OSBPL3: variants seen among roughly 807,000 people sequenced by gnomAD.
The protein encoded by OSBPL3 is oxysterol binding protein like 3.
In OSBPL3, 65 loss-of-function variants were observed where a neutral mutation model predicts 120.1. That is an observed-to-expected ratio of 0.54 (90% confidence interval 0.44 to 0.67). The LOEUF is 0.67. Among genes scored for constraint, OSBPL3 ranks in the 30% least tolerant of loss-of-function variants. The pLI is 0.00. For synonymous variants in OSBPL3, 416 were observed against 402.6 expected (o/e 1.03, Z -0.40); for missense variants, 1,004 against 1,082.1 (o/e 0.93, Z 1.01).
chr7:24,941,773 A>G (rs536430926), intron 1 of OSBPL3, among the ~76,000 whole-genome samples: 1 of 152,352 alleles, frequency 6.6e-6, no homozygotes, highest in East Asian at 1.9e-4. Context: ...ACATCATTGC[A>G]TGGAATTCTA....
chr7:24,933,472 C>T lies in OSBPL3; in HGVS notation c.-149-40851G>A, dbSNP rs1157164017. Among the ~76,000 whole-genome samples, 1 of 152,080 alleles carries T rather than the reference C, an allele frequency of 6.6e-6. No homozygotes were observed. Among genetic ancestry groups the T allele is most frequent in the African/African-American group, 2.4e-5 (1 of 41,410 alleles). On this transcript the variant is annotated intron_variant, in intron 1 of 22. Transcript: ENST00000313367. The surrounding 1 kb of genome is among the most constrained non-coding windows in gnomAD (Gnocchi z 5.1). ...GAATATTTAAAAAGATGCCCAACAT[C>T]AGGAGAACAAAAAAAATCCAGAAAA...
rs1385948189 is a variant in OSBPL3, at chr7:24,830,552, C to CG, written c.1884+215_1884+216insC. Among the ~76,000 whole-genome samples, 1 of 150,064 alleles carries CG rather than the reference C, an allele frequency of 6.7e-6. No individual in the cohort carries two copies. Among genetic ancestry groups the CG allele is most frequent in the African/African-American group, 2.5e-5 (1 of 39,500 alleles). On this transcript the variant is annotated intron_variant, in intron 16 of 22. Coordinates refer to ENST00000313367, the MANE Select transcript of OSBPL3 (RefSeq NM_015550.4). The surrounding 1 kb of genome is among the most constrained non-coding windows in gnomAD (Gnocchi z 4.4). ...GACACCGGCAATGCATGTAGCCAAG[C>CG]AAGTGTGCAGAATTACGGGTGGTAA...
chr7:24,844,681 C>T (rs1304223679), intron 12 of OSBPL3, among the ~76,000 whole-genome samples: 1 of 151,762 alleles, frequency 6.6e-6, no homozygotes, highest in Admixed American at 6.6e-5. Flanking sequence ...CAAAATTAAA[C>T]TGTATTCTGA....
chr7:24,851,399 A>G lies in OSBPL3; in HGVS notation c.1158+1105T>C, dbSNP rs1562825403. Reference sequence around the variant, plus strand: ...TGGTCCATCAGTGAATACTCCTTACATATTCTACAACAACTATATGTGCTA... The same window carrying G: ...TGGTCCATCAGTGAATACTCCTTACGTATTCTACAACAACTATATGTGCTA... On this transcript the variant is annotated intron_variant, in intron 11 of 22. Transcript: ENST00000313367. This position sits in a 1 kb window ranked among gnomAD's most constrained non-coding sequence, Gnocchi z 4.1. Among the ~76,000 whole-genome samples, 2 of 152,222 alleles carry G rather than the reference A, an allele frequency of 1.3e-5. No homozygotes were observed. The highest frequency in any genetic ancestry group is 2.9e-5 in the Non-Finnish European group (2 of 68,030).
chr7:24,869,186 T>C (rs540714473), intron 5 of OSBPL3, among the ~76,000 whole-genome samples: 1 of 152,206 alleles, frequency 6.6e-6, no homozygotes, highest in African/African-American at 2.4e-5. Flanking sequence ...AATATTAAAC[T>C]GCATTTATCA....
At chr7:24,970,974 G>A (rs111706117) in intron 1 of OSBPL3, among the ~76,000 whole-genome samples, 2,492 of 152,274 alleles carry the variant, frequency 0.016, 38 homozygotes, top group Non-Finnish European at 0.024. Flanking sequence ...TTAGAAAACC[G>A]GGGCAAAATG....
intron 12 of OSBPL3, 93 bp from the exon 13 acceptor site, chr7:24,842,506 C>T: frequency 2.1e-6 from 2 of 934,722 alleles, no homozygotes; most frequent in Non-Finnish European, 3.2e-6. Flanking sequence ...CACAAGGTCA[C>T]AGGCCCATGC....
In OSBPL3 at chr7:24,818,936, G is replaced by T. The variant is rs1045208496; in HGVS notation, c.1948+1239C>A. Among the ~76,000 whole-genome samples, 1 of 152,078 alleles carries T rather than the reference G, an allele frequency of 6.6e-6. No homozygotes were observed. ...ACACAGGAGCACACAAAACTACTTTGAGAAGACCCCTCGCATTAAAAAAAA... is the reference window on the plus strand; with the variant it reads ...ACACAGGAGCACACAAAACTACTTTTAGAAGACCCCTCGCATTAAAAAAAA... On this transcript the variant is annotated intron_variant, in intron 17 of 22. Coordinates refer to ENST00000313367, the MANE Select transcript of OSBPL3 (RefSeq NM_015550.4). The surrounding 1 kb of genome is among the most constrained non-coding windows in gnomAD (Gnocchi z 4.0).
In OSBPL3 at chr7:24,828,465, G is replaced by A. The variant is rs144678902; in HGVS notation, c.1884+2303C>T. ...TCTATTAAAAATACAAAACTTAGCT[G>A]GGCATGGTGGCACAAGCCTGTAGTC... On this transcript the variant is annotated intron_variant, in intron 16 of 22. Coordinates refer to ENST00000313367, the MANE Select transcript of OSBPL3 (RefSeq NM_015550.4). Among the ~76,000 whole-genome samples the A allele has an allele frequency of 9.1e-3, 1,382 of 151,922 alleles. 25 individuals carry two copies. Among genetic ancestry groups the A allele is most frequent in the African/African-American group, 0.032 (1,328 of 41,448 alleles).
At chr7:24,943,355 T>C (rs1357358088) in intron 1 of OSBPL3, among the ~76,000 whole-genome samples, 3 of 152,226 alleles carry the variant, frequency 2.0e-5, no homozygotes. Flanking sequence ...AGGCAGCCTG[T>C]ACATATGTGC....
rs181278994 is a variant in OSBPL3, at chr7:24,898,923, T to C, written c.-149-6302A>G. 2.6e-5 allele frequency among the ~76,000 whole-genome samples: 4 copies of C among 152,330 alleles called. No individual in the cohort carries two copies. The East Asian group carries it at 7.7e-4, about 29-fold the overall frequency. ...TTAAAAATCTATTCTAGACAGTTTG[T>C]CATCATTTAGAGCTGAAATAATGAC... On this transcript the variant is annotated intron_variant, in intron 1 of 22. Transcript: ENST00000313367. This position sits in a 1 kb window ranked among gnomAD's most constrained non-coding sequence, Gnocchi z 4.3.
At chr7:24,976,169 A>G (rs1374373974) in intron 1 of OSBPL3, among the ~76,000 whole-genome samples, 1 of 152,242 alleles carries the variant, frequency 6.6e-6, no homozygotes, top group Non-Finnish European at 1.5e-5. Context: ...TGGAGATATA[A>G]TAACAATGCC....
intron 2 of OSBPL3, among the ~76,000 whole-genome samples, chr7:24,875,705 C>T (rs930427827): frequency 4.0e-5 from 6 of 151,242 alleles, no homozygotes; most frequent in Non-Finnish European, 7.4e-5. Flanking sequence ...AGAGTGAGAC[C>T]CAGTCTCTTA....
At chr7:24,979,781 G>A (rs1438989297) in intron 1 of OSBPL3, 105 bp downstream of exon 1, 5 of 622,450 alleles carry the variant, frequency 8.0e-6, no homozygotes, top group Middle Eastern at 8.0e-4. Flanking sequence ...ACCCCGGTCC[G>A]GCAGAGAACC....
chr7:24,834,679 G>C lies in OSBPL3; in HGVS notation c.1553C>G (p.Ala518Gly). The C allele has an allele frequency of 6.2e-7, 1 of 1,613,998 alleles. No homozygotes were observed. Among genetic ancestry groups the C allele is most frequent in the Non-Finnish European group, 8.5e-7 (1 of 1,179,962 alleles). Residue 518 changes from alanine (A) to glycine (G), a missense_variant, in exon 15 of 23, where the codon GCG becomes GGG. Around this residue, in one of 4 missense-constraint regions of OSBPL3, gnomAD observed 473 missense variants for 568.0 expected, o/e 0.83. Coordinates refer to ENST00000313367, the MANE Select transcript of OSBPL3 (RefSeq NM_015550.4). The surrounding 1 kb of genome is among the most constrained non-coding windows in gnomAD (Gnocchi z 5.2). ...AKSRRRTCLPAPCPSSSNISL... is the reference protein window; with the variant it reads ...AKSRRRTCLPGPCPSSSNISL... ...GATGTTACTGCTGCTCGGGCAGGGC[G>C]CCGGCAGGCACGTTCTTCTCCGGGA... is the stretch of plus-strand genomic sequence containing the variant.
At chr7:24,801,605 C>G (rs1792368418) in intron 22 of OSBPL3, among the ~76,000 whole-genome samples, 1 of 152,228 alleles carries the variant, frequency 6.6e-6, no homozygotes, top group South Asian at 2.1e-4. Flanking sequence ...AGGTAAGGGT[C>G]AGCAAACTAT....
intron 10 of OSBPL3, among the ~76,000 whole-genome samples, chr7:24,860,516 C>T (rs115604742): frequency 1.3e-5 from 2 of 152,184 alleles, no homozygotes; most frequent in Non-Finnish European, 2.9e-5. Context: ...TTCTCTCTTG[C>T]CTGCCACCAT....
chr7:24,843,101 C>T (rs1005310882), intron 12 of OSBPL3, among the ~76,000 whole-genome samples: 1 of 152,178 alleles, frequency 6.6e-6, no homozygotes, highest in Non-Finnish European at 1.5e-5. Flanking sequence ...TTCTCCACTC[C>T]ACTGGGTCTG....
rs1377040804 is a variant in OSBPL3 at position 24,827,328 on chromosome 7, C to T, written c.1884+3440G>A. Among the ~76,000 whole-genome samples the T allele has an allele frequency of 6.6e-6, 1 of 152,228 alleles. No homozygotes were observed. Among genetic ancestry groups the T allele is most frequent in the Non-Finnish European group, 1.5e-5 (1 of 68,048 alleles). ...GCAGGAAACAGAATAAATGCTCTGG[C>T]ACTCTCTTCAGATGTGTTAAATTAG... On this transcript the variant is annotated intron_variant, in intron 16 of 22. Coordinates refer to ENST00000313367, the MANE Select transcript of OSBPL3 (RefSeq NM_015550.4). The surrounding 1 kb of genome is among the most constrained non-coding windows in gnomAD (Gnocchi z 5.1).
Sources: gnomAD v4.1 joint callset for allele counts (sites outside exome capture counted in the v4.1 genomes callset) on GRCh38, gnomAD v4.1.1 for gene constraint, gnomAD v4.1.1 regional missense constraint, Gnocchi (gnomAD v3.1) non-coding constraint, MANE v1.5 for transcripts, NCBI Gene and HGNC (gene_info 2026-07-23, HGNC 2026-07-21) for gene names.